Variants in CCBE1 observed in about 807,000 individuals in gnomAD.
The protein encoded by CCBE1 is collagen and calcium binding EGF domains 1.
A neutral mutation model predicts 50.0 loss-of-function variants in CCBE1; 37 were observed. The observed-to-expected ratio is 0.74, with a 90% CI of 0.57 to 0.97. The LOEUF (loss-of-function observed/expected upper bound fraction) is 0.97. Among genes scored for constraint, CCBE1 ranks in the 50% least tolerant of loss-of-function variants. The probability of loss-of-function intolerance (pLI) is 0.00; values close to 1 mark genes in which losing one functional copy is unlikely to be tolerated. For synonymous variants in CCBE1, 234 were observed against 203.7 expected, an observed-to-expected ratio of 1.15 and a Z score of -1.27; for missense variants, 538 against 523.8, an observed-to-expected ratio of 1.03 and a Z score of -0.26.
intron 5 of CCBE1, among the ~76,000 whole-genome samples, chr18:59,455,949 CG>C (rs1377704811): frequency 1.3e-5 from 2 of 152,222 alleles, no homozygotes; most frequent in Non-Finnish European, 2.9e-5. Flanking sequence ...CTGGGGAAGT[CG>C]GGTAATGCGT....
At chr18:59,455,442 G>A (rs185172925) in intron 5 of CCBE1, among the ~76,000 whole-genome samples, 13 of 152,238 alleles carry the variant, frequency 8.5e-5, no homozygotes, top group East Asian at 3.9e-4. Context: ...TCACCGACGC[G>A]TGAGGCCAGG....
At chr18:59,697,143 G>T (rs2054819030) in intron 1 of CCBE1, 69 bp downstream of exon 1, 1 of 1,541,870 alleles carries the variant, frequency 6.5e-7, no homozygotes, top group East Asian at 2.5e-5. Context: ...GGGGAGGACC[G>T]CCCGCACCCC....
chr18:59,506,917 T>C (rs1361034863), intron 2 of CCBE1, among the ~76,000 whole-genome samples: 1 of 152,212 alleles, frequency 6.6e-6, no homozygotes, highest in Non-Finnish European at 1.5e-5. Context: ...TGAAGTCCCA[T>C]TCTCTGTCCT....
intron 5 of CCBE1, 95 bp from the exon 6 acceptor site, chr18:59,455,046 T>C (rs761164201): frequency 3.1e-6 from 3 of 953,536 alleles, no homozygotes; most frequent in Non-Finnish European, 5.1e-6. Flanking sequence ...AGGGACAGAG[T>C]AGCTGACAGC....
intron 2 of CCBE1, among the ~76,000 whole-genome samples, chr18:59,572,467 T>C (rs577098672): frequency 1.3e-5 from 2 of 152,294 alleles, no homozygotes; most frequent in African/African-American, 4.8e-5. Context: ...AACATAGACT[T>C]TACCAGAGAT....
chr18:59,616,939 C>T (rs769458439), intron 2 of CCBE1, among the ~76,000 whole-genome samples: 2 of 152,188 alleles, frequency 1.3e-5, no homozygotes, highest in Non-Finnish European at 2.9e-5. Context: ...GGGAAGGATA[C>T]TGCCTGTCAT....
chr18:59,569,299 T>A (rs1456007044), intron 2 of CCBE1, among the ~76,000 whole-genome samples: 1 of 152,232 alleles, frequency 6.6e-6, no homozygotes, highest in African/African-American at 2.4e-5. Context: ...TTGCTTCACC[T>A]GATGCCGATT....
At chr18:59,440,431 G>C (rs556081624) in intron 7 of CCBE1, among the ~76,000 whole-genome samples, 12 of 152,284 alleles carry the variant, frequency 7.9e-5, no homozygotes, top group Admixed American at 6.5e-4. Context: ...ACATCTGCTA[G>C]GCCTTCCTTA....
intron 2 of CCBE1, among the ~76,000 whole-genome samples, chr18:59,492,144 C>CAAAAA (rs869190811): frequency 0.013 from 987 of 77,602 alleles, 1 homozygote; most frequent in Non-Finnish European, 0.018. Context: ...GACTTTGTCT[C>CAAAAA]AAAAAAAAAA....
intron 2 of CCBE1, among the ~76,000 whole-genome samples, chr18:59,508,589 T>C (rs1045120573): frequency 1.4e-4 from 22 of 151,754 alleles, no homozygotes; most frequent in African/African-American, 4.8e-4. Context: ...AGAGTGAGAC[T>C]CTGTCTCACA....
intron 2 of CCBE1, among the ~76,000 whole-genome samples, chr18:59,553,223 C>G (rs2851852): frequency 0.63 from 96,481 of 152,050 alleles, 30,929 homozygotes; most frequent in African/African-American, 0.68. Context: ...AGAGTTTACC[C>G]TCATTTCATC....
chr18:59,557,422 C>T (rs1456906618), intron 2 of CCBE1, among the ~76,000 whole-genome samples: 11 of 152,108 alleles, frequency 7.2e-5, no homozygotes, highest in Admixed American at 7.2e-4. Context: ...CAGGCCGATT[C>T]TCACTGACTT....
At chr18:59,506,060 T>C (rs1467534074) in intron 2 of CCBE1, among the ~76,000 whole-genome samples, 1 of 152,212 alleles carries the variant, frequency 6.6e-6, no homozygotes, top group African/African-American at 2.4e-5. Flanking sequence ...AATGTGGTCT[T>C]ATTTGGGAAT....
intron 3 of CCBE1, among the ~76,000 whole-genome samples, chr18:59,474,496 G>A (rs2120706): frequency 0.31 from 47,387 of 152,024 alleles, 7,906 homozygotes; most frequent in African/African-American, 0.42. Flanking sequence ...TTGCCTGAGA[G>A]TGAAGTCATT....
chr18:59,567,106 C>T (rs761692197), intron 2 of CCBE1, among the ~76,000 whole-genome samples: 6 of 152,020 alleles, frequency 3.9e-5, no homozygotes, highest in African/African-American at 7.2e-5. Context: ...AGGTTTTAAA[C>T]GCATTTTTTC....
intron 2 of CCBE1, among the ~76,000 whole-genome samples, chr18:59,598,452 T>A (rs2053386335): frequency 6.6e-6 from 1 of 152,198 alleles, no homozygotes; most frequent in Non-Finnish European, 1.5e-5. Flanking sequence ...TGAGTGCAGA[T>A]GACCGGCAGG....
At chr18:59,615,712 C>T (rs1368512172) in intron 2 of CCBE1, among the ~76,000 whole-genome samples, 1 of 152,116 alleles carries the variant, frequency 6.6e-6, no homozygotes, top group Admixed American at 6.6e-5. Flanking sequence ...GAGGTTATTT[C>T]TTTTGTCTGC....
chr18:59,469,723 G>T, intron 3 of CCBE1, 116 bp from the exon 4 acceptor site: 2 of 1,342,038 alleles, frequency 1.5e-6, no homozygotes, highest in Non-Finnish European at 2.1e-6. Flanking sequence ...GTGAAGTGTG[G>T]ACAGATATAC....
At chr18:59,687,066 A>C (rs2054664580) in intron 2 of CCBE1, among the ~76,000 whole-genome samples, 1 of 152,162 alleles carries the variant, frequency 6.6e-6, no homozygotes, top group African/African-American at 2.4e-5. Flanking sequence ...CTACCATGCA[A>C]TTTCACACCA....
Sources: gnomAD v4.1 joint callset for allele counts (sites outside exome capture counted in the v4.1 genomes callset) on GRCh38, gnomAD v4.1.1 for gene constraint, MANE v1.5 for transcripts, NCBI Gene and HGNC (gene_info 2026-07-23, HGNC 2026-07-21) for gene names.